The following EPN1 variants were observed in gnomAD, a reference collection of about 807,000 sequenced individuals.
EPN1 encodes the protein epsin 1.
A neutral mutation model predicts 56.9 loss-of-function variants in EPN1; 25 were observed. That is an observed-to-expected ratio of 0.44 (90% CI 0.32 to 0.61). The LOEUF (loss-of-function observed/expected upper bound fraction) is 0.61. Among genes scored for constraint, EPN1 ranks in the 20% least tolerant of loss-of-function variants. The pLI, the probability that EPN1 is intolerant of heterozygous loss-of-function variation, is 0.05. For synonymous variants in EPN1, 411 were observed against 361.8 expected (o/e 1.14, Z -1.54); for missense variants, 785 against 823.7 (o/e 0.95, Z 0.58).
At chr19:55,680,180 A>T (rs528465855) in intron 2 of EPN1, among the ~76,000 whole-genome samples, 1 of 152,236 alleles carries the variant, frequency 6.6e-6, no homozygotes, top group East Asian at 1.9e-4. Flanking sequence ...TGCTTTACTG[A>T]GGTGTAATTT....
At position 55,704,871 on chromosome 19, in the gene EPN1, G is replaced by GAAAT. The variant is rs1987319367; in HGVS notation, c.*9518_*9521dup. 6.6e-6 allele frequency: 1 copy of GAAAT among 152,302 alleles called. No homozygotes were observed. The highest frequency in any genetic ancestry group is 1.5e-5 in the Non-Finnish European group (1 of 68,106). 9.4% of individuals were successfully genotyped at this position (152,302 alleles called of 1,614,324 possible). ...GCCCCACTTCATTTCTGTTCCCTGG[G>GAAAT]AAATAAGCATCGCAAGTGATCCGTA... On this transcript the variant is annotated 3_prime_UTR_variant, in exon 11 of 11. Transcript: ENST00000270460.
chr19:55,677,433 G>A (rs1985511685), intron 1 of EPN1: 2 of 687,178 alleles, frequency 2.9e-6, no homozygotes, highest in African/African-American at 1.8e-5. Context: ...TCTCGGGATG[G>A]GTTAATTTAA....
rs750361814 is a variant in EPN1 at position 55,709,054 on chromosome 19, TAGAA to T, written c.*13700_*13703del. On this transcript the variant is annotated 3_prime_UTR_variant, in exon 11 of 11. Transcript: ENST00000270460. ...GCCAGATTTGTGCAGCCTGGGAAAA[TAGAA>T]ATAAAGTTTTTTTTTTTGTTTTTCA... The T allele has an allele frequency of 1.3e-5, 20 of 1,553,726 alleles. No homozygotes were observed. The highest frequency in any genetic ancestry group is 2.6e-6 in the Non-Finnish European group (3 of 1,160,664).
chr19:55,692,183 A>C (rs1051395402), intron 7 of EPN1, 126 bp downstream of exon 7: 74 of 883,382 alleles, frequency 8.4e-5, no homozygotes, highest in Non-Finnish European at 6.8e-5. Context: ...TCCTGGGTGC[A>C]GGGGAGGGGG....
In EPN1 at chr19:55,703,968, C is replaced by T. The variant is rs1164775298; in HGVS notation, c.*8612C>T. On this transcript the variant is annotated 3_prime_UTR_variant, in exon 11 of 11. Coordinates refer to ENST00000270460, the MANE Select transcript of EPN1 (RefSeq NM_001130072.2). ...CGCTGGGATCCCGTGCGCGCTTGTGCTCCTTCCTTCTGGGCCAGCGCGCAG... is the reference window on the plus strand; with the variant it reads ...CGCTGGGATCCCGTGCGCGCTTGTGTTCCTTCCTTCTGGGCCAGCGCGCAG... 6.6e-6 allele frequency: 1 copy of T among 152,198 alleles called. No homozygotes were observed. Among genetic ancestry groups the T allele is most frequent in the Non-Finnish European group, 1.5e-5 (1 of 68,024 alleles). The allele number at this position is 152,198 out of a possible 1,614,324, so 9.4% of individuals were successfully genotyped here.
rs145526605 is a variant in EPN1 at position 55,706,214 on chromosome 19, T to TTTC, written c.*10862_*10864dup. On this transcript the variant is annotated 3_prime_UTR_variant, in exon 11 of 11. Transcript: ENST00000270460. ...CTCCTCCTTTCTTCCTTTATTTTTC[T>TTTC]TTCTTCCTTTCCTCCTCTTTCTTCT... is the stretch of plus-strand genomic sequence containing the variant. The TTTC allele has an allele frequency of 0.083, 12,220 of 146,804 alleles. 573 individuals carry two copies. The highest frequency in any genetic ancestry group is 0.18 in the East Asian group (878 of 4,966). The allele number at this position is 146,804 out of a possible 1,614,324, so 9.1% of individuals were successfully genotyped here.
rs943205194 is a variant in EPN1 at position 55,699,297 on chromosome 19, C to T, written c.*3941C>T. On this transcript the variant is annotated 3_prime_UTR_variant, in exon 11 of 11. Transcript: ENST00000270460. ...GAGTTTCTGTGCCCATTCCCAGGCA[C>T]CTTCTTGCAGCCGCAGGCATCTCCC... 1.1e-4 allele frequency: 16 copies of T among 152,180 alleles called. No homozygotes were observed. The highest frequency in any genetic ancestry group is 3.9e-4 in the African/African-American group (16 of 41,432). 9.4% of individuals were successfully genotyped at this position (152,180 alleles called of 1,614,324 possible).
At chr19:55,692,581 G>A (rs965821395) in intron 7 of EPN1, 105 bp from the exon 8 acceptor site, 1 of 715,144 alleles carries the variant, frequency 1.4e-6, no homozygotes, top group Non-Finnish European at 2.2e-6. Context: ...CTGGGGGGCA[G>A]GGGGGCTTTT....
In EPN1 at chr19:55,694,675, G is replaced by C; in HGVS notation, c.1265-51G>C. The C allele has an allele frequency of 6.6e-7, 1 of 1,511,486 alleles. No individual in the cohort carries two copies. Among genetic ancestry groups the C allele is most frequent in the Non-Finnish European group, 8.8e-7 (1 of 1,132,466 alleles). 93.6% of individuals were successfully genotyped at this position (1,511,486 alleles called of 1,614,324 possible). A position where few individuals can be genotyped will look rare whatever the true frequency, so the allele number is the denominator to read the frequency against. ...GATGGCCTATACTGCTCCCGGGTTG[G>C]AGCCTCACTGCTGTCTGCCCTGTCT... On this transcript the variant is annotated intron_variant, in intron 9 of 10. Coordinates refer to ENST00000270460, the MANE Select transcript of EPN1 (RefSeq NM_001130072.2). This position sits in a 1 kb window ranked among gnomAD's most constrained non-coding sequence, Gnocchi z 4.2.
intron 8 of EPN1, 45 bp from the exon 9 acceptor site, chr19:55,692,906 G>A (rs1284226888): frequency 1.2e-6 from 2 of 1,607,100 alleles, no homozygotes; most frequent in Non-Finnish European, 8.5e-7. Context: ...GGGGGCTGAG[G>A]CGGGGCCCCA....
Position 55,693,035 on chromosome 19 carries a change from C to T in EPN1, c.1262C>T (p.Ala421Val). The T allele has an allele frequency of 6.2e-7, 1 of 1,612,350 alleles. No individual in the cohort carries two copies. Among genetic ancestry groups the T allele is most frequent in the South Asian group, 1.1e-5 (1 of 91,032 alleles). Residue 421 changes from alanine to valine, a missense_variant and splice_region_variant, in exon 9 of 11, where the codon GCA (alanine) becomes GTA (valine). Physicochemically the swap from Ala to Val is moderately conservative, Grantham distance 64 (BLOSUM62 0). Coordinates refer to ENST00000270460, the MANE Select transcript of EPN1 (RefSeq NM_001130072.2). ...GCACTGCCGACCTCCGGGAGCAGCG[C>T]AGGTGAGCCCCTGCCCTCCCCTGCC... ...RTALPTSGSS[A>V]GELELLAGEV...
chr19:55,682,097 C>T (rs903604395), intron 2 of EPN1, among the ~76,000 whole-genome samples: 1 of 152,178 alleles, frequency 6.6e-6, no homozygotes, highest in Non-Finnish European at 1.5e-5. Context: ...TGAGCCACTA[C>T]ACCTGGCCCA....
chr19:55,702,570 C>G lies in EPN1; in HGVS notation c.*7214C>G, dbSNP rs948093633. ...GTGTTTTACAGCCTGAAAGATCAGG[C>G]TGCTCTTTGTTAGGAGAAGTGATTT... is the stretch of plus-strand genomic sequence containing the variant. On this transcript the variant is annotated 3_prime_UTR_variant, in exon 11 of 11. Coordinates refer to ENST00000270460, the MANE Select transcript of EPN1 (RefSeq NM_001130072.2). 1 of 152,214 alleles carries G rather than the reference C, an allele frequency of 6.6e-6. No homozygotes were observed. The highest frequency in any genetic ancestry group is 2.1e-4 in the South Asian group (1 of 4,834). The allele number at this position is 152,214 out of a possible 1,614,324, so 9.4% of individuals were successfully genotyped here. A position where few individuals can be genotyped will look rare whatever the true frequency, so the allele number is the denominator to read the frequency against.
intron 3 of EPN1, among the ~76,000 whole-genome samples, 191 bp downstream of exon 3, chr19:55,685,836 A>G (rs1470666100): frequency 6.6e-6 from 1 of 152,206 alleles, no homozygotes; most frequent in African/African-American, 2.4e-5. Context: ...CCTCCCATGC[A>G]GCAGCTCTGG....
At chr19:55,692,875 G>A in intron 8 of EPN1, 76 bp from the exon 9 acceptor site, 2 of 1,594,450 alleles carry the variant, frequency 1.3e-6, no homozygotes, top group East Asian at 2.2e-5. Context: ...TAAGGGAGGG[G>A]TGGACGCCTG....
At position 55,678,627 on chromosome 19, in the gene EPN1, C is replaced by T; in HGVS notation, c.-1C>T. Reference sequence around the variant, plus strand: ...GCCCCTTGCTGCTGCAGCCGGGCACCATGTCGACCTCGTCCTTGAGGCGCC... The same window carrying T: ...GCCCCTTGCTGCTGCAGCCGGGCACTATGTCGACCTCGTCCTTGAGGCGCC... On this transcript the variant is annotated 5_prime_UTR_variant, in exon 2 of 11. Transcript: ENST00000270460. The T allele has an allele frequency of 1.2e-6, 2 of 1,607,870 alleles. No homozygotes were observed. Among genetic ancestry groups the T allele is most frequent in the Admixed American group, 1.7e-5 (1 of 59,180 alleles).
At position 55,708,277 on chromosome 19, in the gene EPN1, A is replaced by C. The variant is rs1234305955; in HGVS notation, c.*12921A>C. The C allele has an allele frequency of 1.3e-5, 2 of 152,262 alleles. No individual in the cohort carries two copies. The highest frequency in any genetic ancestry group is 2.9e-5 in the Non-Finnish European group (2 of 68,048). The allele number at this position is 152,262 out of a possible 1,614,324, so 9.4% of individuals were successfully genotyped here. Reference sequence around the variant, plus strand: ...ATAAAAATTTTAGACCAGGCCAATAAGGCATCAGCAATTTACCGTAGGGAA... The same window carrying C: ...ATAAAAATTTTAGACCAGGCCAATACGGCATCAGCAATTTACCGTAGGGAA... On this transcript the variant is annotated 3_prime_UTR_variant, in exon 11 of 11. Transcript: ENST00000270460.
Position 55,701,959 on chromosome 19 carries a change from C to CTTTTTTTTTTTTTTT in EPN1, c.*6609_*6623dup, listed in dbSNP as rs1160028473. 20 of 110,798 alleles carry CTTTTTTTTTTTTTTT rather than the reference C, an allele frequency of 1.8e-4. 3 individuals carry two copies. The highest frequency in any genetic ancestry group is 8.8e-4 in the South Asian group (3 of 3,424). 6.9% of individuals were successfully genotyped at this position (110,798 alleles called of 1,614,324 possible). On this transcript the variant is annotated 3_prime_UTR_variant, in exon 11 of 11. Coordinates refer to ENST00000270460, the MANE Select transcript of EPN1 (RefSeq NM_001130072.2). The stretch of plus-strand genomic sequence containing the variant: ...AGTCTCTAGCAGCCCCCACCCCATT[C>CTTTTTTTTTTTTTTT]TTTTTTTTTTTTTTTTTTTTGAGAT...
At position 55,699,731 on chromosome 19, in the gene EPN1, C is replaced by T. The variant is rs1987054349; in HGVS notation, c.*4375C>T. 1 of 152,204 alleles carries T rather than the reference C, an allele frequency of 6.6e-6. No individual in the cohort carries two copies. The highest frequency in any genetic ancestry group is 2.4e-5 in the African/African-American group (1 of 41,440). The allele number at this position is 152,204 out of a possible 1,614,324, so 9.4% of individuals were successfully genotyped here. A position where few individuals can be genotyped will look rare whatever the true frequency, so the allele number is the denominator to read the frequency against. ...CTTGTATGTGGCAGGGGTCTAAGGC[C>T]TGCCTGCACGTCCTGGGACAGCCCA... On this transcript the variant is annotated 3_prime_UTR_variant, in exon 11 of 11. Transcript: ENST00000270460.
Sources: gnomAD v4.1 joint callset for allele counts (sites outside exome capture counted in the v4.1 genomes callset) on GRCh38, gnomAD v4.1.1 for gene constraint, Gnocchi (gnomAD v3.1) non-coding constraint, MANE v1.5 for transcripts, NCBI Gene and HGNC (gene_info 2026-07-23, HGNC 2026-07-21) for gene names.